DIAPH2: variants seen among roughly 807,000 people sequenced by gnomAD.
DIAPH2 encodes protein diaphanous homolog 2.
Under a neutral mutation model 92.7 loss-of-function variants are expected in DIAPH2, and 35 were observed. That is an observed-to-expected ratio of 0.38 (90% CI 0.29 to 0.50). DIAPH2 has a LOEUF of 0.50. Among genes scored for constraint, DIAPH2 ranks in the 20% least tolerant of loss-of-function variants. The probability of loss-of-function intolerance (pLI) is 0.94; values close to 1 mark genes in which losing one functional copy is unlikely to be tolerated. For missense variants in DIAPH2, 701 were observed against 819.5 expected (o/e 0.86, Z 1.77); for synonymous variants, 301 against 280.4 (o/e 1.07, Z -0.73).
At chrX:96,777,176 A>G (rs1246618026) in intron 4 of DIAPH2, among the ~76,000 whole-genome samples, 2 of 111,965 alleles carry the variant, frequency 1.8e-5, no homozygotes, top group African/African-American at 6.5e-5. Flanking sequence ...TATGCCTTGA[A>G]TAGTTGTGGC....
At chrX:96,964,400 G>A (rs1439292332) in intron 16 of DIAPH2, among the ~76,000 whole-genome samples, 2 of 111,372 alleles carry the variant, frequency 1.8e-5, no homozygotes, top group East Asian at 5.6e-4. Flanking sequence ...TTACAATTTA[G>A]TATACGGTGT....
At chrX:96,936,952 G>A (rs1037599091) in intron 10 of DIAPH2, among the ~76,000 whole-genome samples, 2 of 111,602 alleles carry the variant, frequency 1.8e-5, no homozygotes, top group African/African-American at 3.3e-5. Context: ...AATTTGGGTT[G>A]TTAGCAATTA....
chrX:97,415,995 A>G (rs1205775235), intron 25 of DIAPH2, among the ~76,000 whole-genome samples: 1 of 112,000 alleles, frequency 8.9e-6, no homozygotes, highest in Non-Finnish European at 1.9e-5. Flanking sequence ...CTGTTTTCTG[A>G]ATAATTATCT....
chrX:97,194,363 G>A (rs1175340584), intron 22 of DIAPH2, among the ~76,000 whole-genome samples: 1 of 106,056 alleles, frequency 9.4e-6, no homozygotes, highest in Non-Finnish European at 1.9e-5. Flanking sequence ...CTCACTGCAC[G>A]CTCCGCCTCC....
At chrX:96,693,772 C>T (rs1185639943) in intron 1 of DIAPH2, among the ~76,000 whole-genome samples, 3 of 112,780 alleles carry the variant, frequency 2.7e-5, no homozygotes, top group East Asian at 2.8e-4. Context: ...TGGTGGCTCA[C>T]GCCTGTAGTC....
Position 96,780,448 on chromosome X carries a change from A to G in DIAPH2, c.447+22190A>G, listed in dbSNP as rs753763054. ...ATGCATTTGTATTTGCTATCATGGG[A>G]CATTGAATCAGGGTTTTATTTTTTT... On this transcript the variant is annotated intron_variant, in intron 4 of 26. Coordinates refer to ENST00000324765, the MANE Select transcript of DIAPH2 (RefSeq NM_006729.5). Among the ~76,000 whole-genome samples, 12 of 111,676 alleles carry G rather than the reference A, an allele frequency of 1.1e-4. No homozygotes were observed. The South Asian group carries it at 4.5e-3, about 42-fold the overall frequency.
chrX:97,211,353 G>A (rs143432964), intron 22 of DIAPH2, among the ~76,000 whole-genome samples: 3,321 of 110,520 alleles, frequency 0.03, 52 homozygotes, highest in Admixed American at 0.043. Flanking sequence ...AATAGGTTGT[G>A]TCAAAACAAG....
chrX:97,306,573 T>C (rs2068748783), intron 23 of DIAPH2, among the ~76,000 whole-genome samples: 1 of 111,799 alleles, frequency 8.9e-6, no homozygotes, highest in African/African-American at 3.2e-5. Context: ...GCATTACCAA[T>C]ACTGCCAGGT....
At chrX:97,500,344 A>G (rs2070786599) in intron 26 of DIAPH2, among the ~76,000 whole-genome samples, 1 of 111,229 alleles carries the variant, frequency 9.0e-6, no homozygotes, top group African/African-American at 3.3e-5. Context: ...GACTCAAGAG[A>G]ACTCGTTTGA....
chrX:97,310,350 A>C (rs923172859), intron 23 of DIAPH2, among the ~76,000 whole-genome samples: 1 of 112,143 alleles, frequency 8.9e-6, no homozygotes, highest in Admixed American at 9.5e-5. Flanking sequence ...GTAAGGAAAA[A>C]CAGATGAAAT....
intron 23 of DIAPH2, among the ~76,000 whole-genome samples, chrX:97,331,361 GA>G (rs1443530083): frequency 9.0e-6 from 1 of 111,469 alleles, no homozygotes; most frequent in Non-Finnish European, 1.9e-5. Flanking sequence ...TTGATACTAG[GA>G]AAAAAACACA....
chrX:97,114,060 T>C (rs2067000998), intron 20 of DIAPH2, among the ~76,000 whole-genome samples: 1 of 112,130 alleles, frequency 8.9e-6, no homozygotes, highest in African/African-American at 3.2e-5. Context: ...TTGAACTGTA[T>C]TGAAGAAAAC....
intron 15 of DIAPH2, among the ~76,000 whole-genome samples, chrX:96,949,737 G>A (rs1192516532): frequency 9.6e-6 from 1 of 104,466 alleles, no homozygotes; most frequent in Non-Finnish European, 2.0e-5. Flanking sequence ...GTGGGCTCCT[G>A]TAGTCCCAGC....
chrX:97,139,727 T>C (rs991268469), intron 21 of DIAPH2, among the ~76,000 whole-genome samples: 2 of 111,463 alleles, frequency 1.8e-5, no homozygotes, highest in Admixed American at 9.6e-5. Flanking sequence ...ATTAAATTGT[T>C]AGTGGACCAG....
At chrX:97,332,275 A>G (rs1366336780) in intron 23 of DIAPH2, among the ~76,000 whole-genome samples, 3 of 112,060 alleles carry the variant, frequency 2.7e-5, no homozygotes, top group African/African-American at 9.7e-5. Flanking sequence ...TTTATTTTGT[A>G]TCTGCTGTGA....
At chrX:97,035,852 T>TA (rs1379440316) in intron 17 of DIAPH2, among the ~76,000 whole-genome samples, 2 of 107,888 alleles carry the variant, frequency 1.9e-5, no homozygotes, top group Admixed American at 1.0e-4. Context: ...CTACAAGAAA[T>TA]AAAAAAATTA....
At chrX:96,884,919 C>A (rs1259456879) in intron 5 of DIAPH2, 1 of 1,210,876 alleles carries the variant, frequency 8.3e-7, no homozygotes, top group South Asian at 1.8e-5. Flanking sequence ...TCATCCAGGA[C>A]GAAGTGCTGC....
In DIAPH2 at chrX:96,758,218, G is replaced by T. The variant is rs1371175715; in HGVS notation, c.407G>T (p.Arg136Leu). 8.3e-7 allele frequency: 1 copy of T among 1,205,476 alleles called. No homozygotes were observed. The highest frequency in any genetic ancestry group is 2.2e-5 in the Admixed American group (1 of 44,899). The change falls in exon 4 of 27, where the codon CGT becomes CTT. Residue 136 changes from arginine to leucine, a missense_variant. Coordinates refer to ENST00000324765, the MANE Select transcript of DIAPH2 (RefSeq NM_006729.5). ...PLRNKDFTTK[R>L]EMVVQYISAT... ...CGAAACAAAGACTTTACCACCAAACGTGAGATGGTTGTCCAGTATATTTCT... is the reference window on the plus strand; with the variant it reads ...CGAAACAAAGACTTTACCACCAAACTTGAGATGGTTGTCCAGTATATTTCT...
intron 5 of DIAPH2, among the ~76,000 whole-genome samples, chrX:96,899,485 G>A (rs1317069296): frequency 1.8e-4 from 20 of 110,902 alleles, no homozygotes; most frequent in African/African-American, 5.9e-4. Context: ...TTCTCTTTGA[G>A]GCAATTGTGA....
Sources: allele counts gnomAD v4.1 joint callset (sites outside exome capture counted in the v4.1 genomes callset), GRCh38; gene constraint gnomAD v4.1.1; transcripts MANE v1.5; gene names NCBI Gene and HGNC (gene_info 2026-07-23, HGNC 2026-07-21).